The following ATXN7L1 variants were observed in gnomAD, a reference collection of about 807,000 sequenced individuals.
ATXN7L1 encodes ataxin-7-like protein 1.
A neutral mutation model predicts 70.8 loss-of-function variants in ATXN7L1; 15 were observed. The ratio of observed to expected loss-of-function variants is 0.21; its 90% CI spans 0.14 to 0.33. The LOEUF (loss-of-function observed/expected upper bound fraction) is 0.33, where lower values mean the gene tolerates loss of function less well. Ranked by LOEUF, ATXN7L1 falls within the 10% of genes least tolerant of loss-of-function variation. The pLI is 1.00. For missense variants in ATXN7L1, 975 were observed against 1,097.1 expected, an observed-to-expected ratio of 0.89 and a Z score of 1.57; for synonymous variants, 440 against 445.1, an observed-to-expected ratio of 0.99 and a Z score of 0.14.
intron 2 of ATXN7L1, among the ~76,000 whole-genome samples, chr7:105,845,503 T>A (rs2392643): frequency 0.21 from 25,390 of 120,496 alleles, 2,484 homozygotes; most frequent in East Asian, 0.5. Flanking sequence ...GTAATCTTTG[T>A]AAGTACCCAG....
chr7:105,660,525 C>G (rs933313788), intron 4 of ATXN7L1, among the ~76,000 whole-genome samples: 3 of 146,456 alleles, frequency 2.0e-5, no homozygotes, highest in Non-Finnish European at 4.5e-5. Context: ...ATTCCATTCT[C>G]TTTGTCTACC....
chr7:105,618,523 G>A (rs906916382), intron 9 of ATXN7L1, among the ~76,000 whole-genome samples: 4 of 152,168 alleles, frequency 2.6e-5, no homozygotes, highest in African/African-American at 9.7e-5. Flanking sequence ...AGGTCTGGAA[G>A]CTCTTTAGGC....
chr7:105,641,396 G>T (rs1312731085), intron 5 of ATXN7L1, among the ~76,000 whole-genome samples: 1 of 151,708 alleles, frequency 6.6e-6, no homozygotes, highest in Non-Finnish European at 1.5e-5. Flanking sequence ...TGTCGACCTG[G>T]AGCTGAGCAG....
chr7:105,612,498 G>C (rs1287623892), intron 10 of ATXN7L1, among the ~76,000 whole-genome samples: 2 of 152,170 alleles, frequency 1.3e-5, no homozygotes, highest in Admixed American at 1.3e-4. Flanking sequence ...CCCCCCGGGG[G>C]ATTCGTGTAT....
At chr7:105,781,246 C>A (rs1260367980) in intron 3 of ATXN7L1, among the ~76,000 whole-genome samples, 1 of 78,068 alleles carries the variant, frequency 1.3e-5, no homozygotes, top group East Asian at 1.0e-3. Flanking sequence ...AAGATAAGGA[C>A]CCCCCAAAAA....
intron 3 of ATXN7L1, among the ~76,000 whole-genome samples, chr7:105,666,452 T>C (rs967194330): frequency 9.2e-5 from 14 of 152,226 alleles, no homozygotes; most frequent in African/African-American, 3.4e-4. Flanking sequence ...CCTAGGCTTC[T>C]CTCATTAGGG....
chr7:105,822,572 G>A lies in ATXN7L1; in HGVS notation c.251-33864C>T, dbSNP rs536576688. On this transcript the variant is annotated intron_variant, in intron 2 of 11. Coordinates refer to ENST00000419735, the MANE Select transcript of ATXN7L1 (RefSeq NM_020725.2). ...GGTGGCTAACTGGTCACACAATTGA[G>A]TTTGCATGTTGCTGAGCGCCTTGCA... 2.6e-5 allele frequency among the ~76,000 whole-genome samples: 4 copies of A among 152,326 alleles called. No homozygotes were observed. In the South Asian group the frequency reaches 8.3e-4, roughly 32 times the overall value.
chr7:105,707,839 T>G (rs1793375363), intron 3 of ATXN7L1, among the ~76,000 whole-genome samples: 1 of 152,220 alleles, frequency 6.6e-6, no homozygotes, highest in Non-Finnish European at 1.5e-5. Flanking sequence ...ATCACTCTGA[T>G]TTAATGGCTA....
chr7:105,799,801 C>T (rs949652612), intron 2 of ATXN7L1, among the ~76,000 whole-genome samples: 3 of 152,152 alleles, frequency 2.0e-5, no homozygotes, highest in Non-Finnish European at 4.4e-5. Context: ...GTGTTCAAAG[C>T]ACTCCAGCCA....
At chr7:105,756,116 C>T (rs1276576468) in intron 3 of ATXN7L1, among the ~76,000 whole-genome samples, 1 of 152,162 alleles carries the variant, frequency 6.6e-6, no homozygotes, top group African/African-American at 2.4e-5. Flanking sequence ...ACCAATTTCC[C>T]CCTCATTCTT....
chr7:105,661,937 C>T (rs529301301), intron 4 of ATXN7L1, among the ~76,000 whole-genome samples: 6 of 152,178 alleles, frequency 3.9e-5, no homozygotes, highest in Admixed American at 1.3e-4. Context: ...CTTTTCACTA[C>T]GAGCTATCTC....
chr7:105,815,813 C>A (rs1228327117), intron 2 of ATXN7L1, among the ~76,000 whole-genome samples: 2 of 152,172 alleles, frequency 1.3e-5, no homozygotes, highest in African/African-American at 4.8e-5. Context: ...TAGGCTGGAG[C>A]AGGAGGTGGA....
chr7:105,672,324 T>C (rs1392655162), intron 3 of ATXN7L1, among the ~76,000 whole-genome samples: 1 of 152,186 alleles, frequency 6.6e-6, no homozygotes, highest in Non-Finnish European at 1.5e-5. Context: ...CTAGTTTCTC[T>C]TTTCTACAGG....
chr7:105,770,368 C>T (rs765863554), intron 3 of ATXN7L1, among the ~76,000 whole-genome samples: 2 of 152,208 alleles, frequency 1.3e-5, no homozygotes, highest in African/African-American at 2.4e-5. Context: ...CAGCTGAGTC[C>T]TATAAATGGA....
chr7:105,830,149 G>T (rs1811404575), intron 2 of ATXN7L1, among the ~76,000 whole-genome samples: 1 of 152,234 alleles, frequency 6.6e-6, no homozygotes, highest in Non-Finnish European at 1.5e-5. Context: ...AGTATAGGAG[G>T]TAGATCCAGA....
intron 3 of ATXN7L1, among the ~76,000 whole-genome samples, chr7:105,773,734 C>T (rs1260502275): frequency 1.3e-5 from 2 of 152,042 alleles, no homozygotes; most frequent in South Asian, 2.1e-4. Context: ...ACTCCAGTGC[C>T]GGCTGAATAA....
intron 3 of ATXN7L1, among the ~76,000 whole-genome samples, chr7:105,720,353 G>A (rs904447917): frequency 6.6e-6 from 1 of 152,040 alleles, no homozygotes; most frequent in Non-Finnish European, 1.5e-5. Context: ...GGCCAACATG[G>A]TGAAACCCCA....
intron 2 of ATXN7L1, among the ~76,000 whole-genome samples, chr7:105,820,841 T>G (rs1374103372): frequency 2.0e-5 from 3 of 152,084 alleles, no homozygotes; most frequent in African/African-American, 7.2e-5. Context: ...TCATGTGAGA[T>G]CTGGTTGTTT....
chr7:105,761,091 A>G, intron 3 of ATXN7L1: 8 of 987,558 alleles, frequency 8.1e-6, no homozygotes, highest in Non-Finnish European at 1.0e-5. Context: ...AAGCAGGAAC[A>G]GCTGGAAGGC....
Sources: gnomAD v4.1 joint callset for allele counts (sites outside exome capture counted in the v4.1 genomes callset) on GRCh38, gnomAD v4.1.1 for gene constraint, MANE v1.5 for transcripts, NCBI Gene and HGNC (gene_info 2026-07-23, HGNC 2026-07-21) for gene names.